KIAA1671: variants seen among roughly 807,000 people sequenced by gnomAD.
KIAA1671 encodes KIAA1671.
A neutral mutation model predicts 131.2 loss-of-function variants in KIAA1671; 52 were observed. The ratio of observed to expected loss-of-function variants is 0.40; its 90% CI spans 0.32 to 0.50. The LOEUF (loss-of-function observed/expected upper bound fraction) is 0.50, where lower values mean the gene tolerates loss of function less well. KIAA1671 is among the 20% of genes least tolerant of loss of function. The probability of loss-of-function intolerance (pLI) is 0.73; values close to 1 mark genes in which losing one functional copy is unlikely to be tolerated. For missense variants in KIAA1671, 2,360 were observed against 2,364.2 expected, an observed-to-expected ratio of 1.00 and a Z score of 0.04; for synonymous variants, 1,003 against 961.6, an observed-to-expected ratio of 1.04 and a Z score of -0.80.
At chr22:25,128,284 T>C (rs1932274760) in intron 6 of KIAA1671, among the ~76,000 whole-genome samples, 1 of 152,190 alleles carries the variant, frequency 6.6e-6, no homozygotes. Context: ...TTAATGTTTC[T>C]TCATGTTCAT....
At chr22:25,097,123 G>A (rs1295260837) in intron 6 of KIAA1671, among the ~76,000 whole-genome samples, 2 of 152,128 alleles carry the variant, frequency 1.3e-5, no homozygotes, top group Admixed American at 1.3e-4. Flanking sequence ...TTTCTCTTGG[G>A]TAAATACCTA....
intron 6 of KIAA1671, among the ~76,000 whole-genome samples, chr22:25,129,287 TC>T (rs773293967): frequency 6.6e-6 from 1 of 151,776 alleles, no homozygotes; most frequent in Non-Finnish European, 1.5e-5. Context: ...GGGAGGCGGA[TC>T]ATGAGGTCAA....
intron 6 of KIAA1671, among the ~76,000 whole-genome samples, chr22:25,148,711 C>G (rs1461272196): frequency 6.6e-6 from 1 of 151,356 alleles, no homozygotes. Context: ...CAGAGCCTTG[C>G]AAAGGCTTGG....
chr22:25,006,329 G>A (rs1924751890), intron 1 of KIAA1671, among the ~76,000 whole-genome samples: 1 of 152,144 alleles, frequency 6.6e-6, no homozygotes, highest in Non-Finnish European at 1.5e-5. Flanking sequence ...ACTGTACCTG[G>A]CCTTAATGAC....
rs557726573 is a variant in KIAA1671, at chr22:25,108,183, A to G, written c.4530+58819A>G. ...GACATATGTGTCTTGTTTCACCACA[A>G]CCTTGACAACACTGGGTATGATCAT... On this transcript the variant is annotated intron_variant, in intron 6 of 12. Coordinates refer to ENST00000358431, the MANE Select transcript of KIAA1671 (RefSeq NM_001145206.2). 3.2e-4 allele frequency among the ~76,000 whole-genome samples: 49 copies of G among 152,282 alleles called. 1 individual carries two copies. Among genetic ancestry groups the G allele is most frequent in the African/African-American group, 1.2e-3 (48 of 41,558 alleles).
intron 6 of KIAA1671, among the ~76,000 whole-genome samples, chr22:25,121,002 T>C (rs759538626): frequency 2.6e-5 from 4 of 152,166 alleles, no homozygotes; most frequent in Non-Finnish European, 2.9e-5. Flanking sequence ...GAAGGCCCCT[T>C]TGTTACTCTC....
intron 6 of KIAA1671, among the ~76,000 whole-genome samples, chr22:25,120,762 TCC>T (rs1182586095): frequency 6.6e-6 from 1 of 152,248 alleles, no homozygotes; most frequent in African/African-American, 2.4e-5. Context: ...TCTCTTTATA[TCC>T]TTTAAAAAAT....
In KIAA1671 at chr22:25,074,676, AT is replaced by A. The variant is rs1568941583; in HGVS notation, c.4530+25317del. Among the ~76,000 whole-genome samples the A allele has an allele frequency of 2.0e-5, 3 of 152,116 alleles. No individual in the cohort carries two copies. In the South Asian group the frequency reaches 6.2e-4, roughly 32 times the overall value. On this transcript the variant is annotated intron_variant, in intron 6 of 12. Coordinates refer to ENST00000358431, the MANE Select transcript of KIAA1671 (RefSeq NM_001145206.2). ...AGAAGAAAAGTCTCTGATAATCTGT[AT>A]TTTTGAATTCTGTGGTTCACAAGTA... is the stretch of plus-strand genomic sequence containing the variant.
intron 1 of KIAA1671, among the ~76,000 whole-genome samples, chr22:24,989,823 G>A (rs1468003412): frequency 2.6e-5 from 4 of 152,086 alleles, no homozygotes; most frequent in Admixed American, 6.6e-5. Flanking sequence ...TGTCCGCCCG[G>A]CAAAGGGACT....
chr22:24,986,504 C>T (rs1242992419), intron 1 of KIAA1671, among the ~76,000 whole-genome samples: 1 of 152,032 alleles, frequency 6.6e-6, no homozygotes, highest in African/African-American at 2.4e-5. Context: ...AACTCTGTAC[C>T]TGTTCAATAC....
At chr22:25,119,605 A>G (rs1030161275) in intron 6 of KIAA1671, among the ~76,000 whole-genome samples, 11 of 152,230 alleles carry the variant, frequency 7.2e-5, no homozygotes, top group Non-Finnish European at 1.6e-4. Context: ...AAGTACTCTC[A>G]GATAATGGTG....
At chr22:24,984,058 G>A (rs908084427) in intron 1 of KIAA1671, among the ~76,000 whole-genome samples, 2 of 152,114 alleles carry the variant, frequency 1.3e-5, no homozygotes, top group Non-Finnish European at 2.9e-5. Context: ...GATTACAGGT[G>A]TGAGCAACCG....
chr22:25,144,939 G>A (rs1932855136), intron 6 of KIAA1671, among the ~76,000 whole-genome samples: 1 of 152,212 alleles, frequency 6.6e-6, no homozygotes, highest in African/African-American at 2.4e-5. Context: ...TAAGGGGTAT[G>A]TCTGCCATCG....
chr22:25,130,993 T>C (rs1327698007), intron 6 of KIAA1671, among the ~76,000 whole-genome samples: 1 of 152,176 alleles, frequency 6.6e-6, no homozygotes, highest in Non-Finnish European at 1.5e-5. Flanking sequence ...ATTTTTTTTC[T>C]AAAGCTCAAA....
intron 6 of KIAA1671, among the ~76,000 whole-genome samples, chr22:25,070,762 T>C (rs1175103762): frequency 6.6e-6 from 1 of 151,698 alleles, no homozygotes; most frequent in East Asian, 1.9e-4. Context: ...GGACTATTCT[T>C]TATTCTGAAA....
At chr22:25,145,748 G>C (rs1323376311) in intron 6 of KIAA1671, among the ~76,000 whole-genome samples, 1 of 151,976 alleles carries the variant, frequency 6.6e-6, no homozygotes, top group Non-Finnish European at 1.5e-5. Context: ...AGACCAGCCT[G>C]GGCAACATAA....
chr22:25,039,879 G>C lies in KIAA1671; in HGVS notation c.2749G>C (p.Ala917Pro), dbSNP rs1253901598. The C allele has an allele frequency of 6.4e-7, 1 of 1,551,496 alleles. No individual in the cohort carries two copies. The highest frequency in any genetic ancestry group is 1.2e-5 in the South Asian group (1 of 84,016). Residue 917 changes from alanine (A) to proline (P), a missense_variant, in exon 5 of 13, where the codon GCC becomes CCC. By Grantham distance (27) the Ala-to-Pro change is conservative. Coordinates refer to ENST00000358431, the MANE Select transcript of KIAA1671 (RefSeq NM_001145206.2). ...GCAGAAAGGGCCCTTCATTGTAGCC[G>C]CCAGGGAGGGTGATCCAGGGCCGGC... ...AVQKGPFIVA[A>P]REGDPGPAQV...
At chr22:25,103,743 C>T (rs1386038700) in intron 6 of KIAA1671, among the ~76,000 whole-genome samples, 2 of 152,150 alleles carry the variant, frequency 1.3e-5, no homozygotes, top group East Asian at 1.9e-4. Flanking sequence ...CCGCCCATCG[C>T]GGTCTCCCAA....
chr22:25,179,333 C>A, intron 9 of KIAA1671: 1 of 1,592,156 alleles, frequency 6.3e-7, no homozygotes, highest in South Asian at 1.1e-5. Context: ...CCTCTCGCTG[C>A]TCCTTGTTCC....
Sources: gnomAD v4.1 joint callset for allele counts (sites outside exome capture counted in the v4.1 genomes callset) on GRCh38, gnomAD v4.1.1 for gene constraint, MANE v1.5 for transcripts, NCBI Gene and HGNC (gene_info 2026-07-23, HGNC 2026-07-21) for gene names.